The following PCSK2 variants were observed in gnomAD, a reference collection of about 807,000 sequenced individuals.
PCSK2 encodes the protein neuroendocrine convertase 2.
Under a neutral mutation model 69.7 loss-of-function variants are expected in PCSK2, and 14 were observed. The ratio of observed to expected loss-of-function variants is 0.20; its 90% confidence interval spans 0.13 to 0.31. PCSK2 has a LOEUF of 0.31. Ranked by LOEUF, PCSK2 falls within the 10% of genes least tolerant of loss-of-function variation. The pLI is 1.00. For synonymous variants in PCSK2, 307 were observed against 320.7 expected (o/e 0.96, Z 0.46); for missense variants, 544 against 842.5 (o/e 0.65, Z 4.39).
chr20:17,395,316 C>T (rs148369685), intron 5 of PCSK2, among the ~76,000 whole-genome samples: 297 of 152,302 alleles, frequency 2.0e-3, no homozygotes, highest in African/African-American at 6.8e-3. Flanking sequence ...CCTTTCATGA[C>T]GGTAGTCCTG....
intron 9 of PCSK2, among the ~76,000 whole-genome samples, chr20:17,455,118 G>T (rs762465795): frequency 6.6e-6 from 1 of 152,066 alleles, no homozygotes; most frequent in Non-Finnish European, 1.5e-5. Flanking sequence ...ACGCCTGAAA[G>T]CTCCACTCCC....
chr20:17,456,308 C>G, intron 9 of PCSK2, 40 bp from the exon 10 acceptor site: 2 of 1,083,940 alleles, frequency 1.8e-6, no homozygotes, highest in South Asian at 1.3e-5. Context: ...TTCAAAATAG[C>G]GTGATTTATC....
At chr20:17,328,528 G>A (rs1990126332) in intron 2 of PCSK2, among the ~76,000 whole-genome samples, 5 of 151,514 alleles carry the variant, frequency 3.3e-5, no homozygotes, top group African/African-American at 2.4e-5. Flanking sequence ...ATATTTATTA[G>A]CAGTGGGGAT....
intron 1 of PCSK2, among the ~76,000 whole-genome samples, chr20:17,242,194 G>A (rs1367024277): frequency 6.6e-6 from 1 of 152,168 alleles, no homozygotes; most frequent in Non-Finnish European, 1.5e-5. Flanking sequence ...GAAGAGAATT[G>A]AGCATTATCC....
chr20:17,255,660 A>C (rs1987150694), intron 1 of PCSK2, among the ~76,000 whole-genome samples: 1 of 152,114 alleles, frequency 6.6e-6, no homozygotes, highest in Admixed American at 6.6e-5. Context: ...AATTTTTTAA[A>C]ACGTATTTAT....
chr20:17,327,014 C>T (rs1229550022), intron 2 of PCSK2, among the ~76,000 whole-genome samples: 1 of 152,238 alleles, frequency 6.6e-6, no homozygotes, highest in Non-Finnish European at 1.5e-5. Flanking sequence ...CATCCTCCCC[C>T]TTCTTCTGTC....
intron 2 of PCSK2, among the ~76,000 whole-genome samples, chr20:17,312,723 CT>C (rs1989556354): frequency 6.6e-6 from 1 of 152,068 alleles, no homozygotes; most frequent in Non-Finnish European, 1.5e-5. Flanking sequence ...AAGAGAGGTG[CT>C]GTAGTGGTGG....
chr20:17,279,463 T>C (rs1414445713), intron 2 of PCSK2, among the ~76,000 whole-genome samples: 1 of 152,228 alleles, frequency 6.6e-6, no homozygotes, highest in Non-Finnish European at 1.5e-5. Context: ...TTTTTTTCCA[T>C]GAAAGCTATG....
At chr20:17,421,818 A>AAAAAAAAAAAAAAAAAAAAAAG (rs2032135253) in intron 6 of PCSK2, among the ~76,000 whole-genome samples, 1 of 34,876 alleles carries the variant, frequency 2.9e-5, no homozygotes, top group Admixed American at 2.1e-4. Flanking sequence ...AAAAAAAAAA[A>AAAAAAAAAAAAAAAAAAAAAAG]AAAAAAAAAA....
chr20:17,247,336 A>T (rs1255833260), intron 1 of PCSK2, among the ~76,000 whole-genome samples: 1 of 152,242 alleles, frequency 6.6e-6, no homozygotes, highest in East Asian at 1.9e-4. Flanking sequence ...GGTAAAATTC[A>T]GGTCCCCAAA....
intron 5 of PCSK2, among the ~76,000 whole-genome samples, chr20:17,389,451 G>A (rs1022921357): frequency 7.2e-5 from 11 of 152,012 alleles, no homozygotes; most frequent in Non-Finnish European, 4.4e-5. Flanking sequence ...GAGAGAGAAA[G>A]GGAGATCTCT....
intron 2 of PCSK2, among the ~76,000 whole-genome samples, chr20:17,336,247 G>C (rs906902720): frequency 1.1e-4 from 16 of 152,174 alleles, no homozygotes; most frequent in African/African-American, 3.9e-4. Flanking sequence ...CCTCTGAGCT[G>C]GAAAGATGCA....
intron 5 of PCSK2, among the ~76,000 whole-genome samples, chr20:17,391,279 T>C (rs569175180): frequency 6.6e-6 from 1 of 152,334 alleles, no homozygotes; most frequent in East Asian, 1.9e-4. Flanking sequence ...TGCTGAAATA[T>C]TCAAAGATTC....
At chr20:17,314,198 TA>T (rs1989606011) in intron 2 of PCSK2, among the ~76,000 whole-genome samples, 1 of 152,208 alleles carries the variant, frequency 6.6e-6, no homozygotes, top group African/African-American at 2.4e-5. Context: ...TAAATGGACC[TA>T]CCATTTAGCA....
intron 2 of PCSK2, among the ~76,000 whole-genome samples, chr20:17,313,623 G>C (rs1190643148): frequency 6.6e-6 from 1 of 151,966 alleles, no homozygotes; most frequent in East Asian, 1.9e-4. Context: ...ATCCTGAAGA[G>C]GGCAGAGGCC....
In PCSK2 at chr20:17,260,315, C is replaced by A; in HGVS notation, c.253C>A (p.His85Asn). 1.9e-6 allele frequency: 3 copies of A among 1,613,402 alleles called. No individual in the cohort carries two copies. The highest frequency in any genetic ancestry group is 1.1e-5 in the South Asian group (1 of 91,070). Residue 85 changes from histidine to asparagine, a missense_variant, in exon 2 of 12, where the codon CAC (histidine) becomes AAC (asparagine). By Grantham distance (68) the His-to-Asn change is moderately conservative. This residue lies in a region of PCSK2 where 157 missense variants were observed against 155.0 expected (regional missense o/e 1.01). Coordinates refer to ENST00000262545, the MANE Select transcript of PCSK2 (RefSeq NM_002594.5). ...AKAKRRRSLH[H>N]KQQLERDPRV... Reference sequence around the variant, plus strand: ...GGCCAAGAGAAGACGCAGCCTACACCACAAGCAGCAGCTGGAGAGAGACCC... The same window carrying A: ...GGCCAAGAGAAGACGCAGCCTACACAACAAGCAGCAGCTGGAGAGAGACCC...
chr20:17,356,431 T>C (rs188817177), intron 2 of PCSK2, among the ~76,000 whole-genome samples: 4 of 152,282 alleles, frequency 2.6e-5, no homozygotes, highest in African/African-American at 9.6e-5. Context: ...GTAAATGAGC[T>C]TCAGGCCTTC....
At chr20:17,443,217 G>C (rs1205835749) in intron 8 of PCSK2, among the ~76,000 whole-genome samples, 1 of 152,192 alleles carries the variant, frequency 6.6e-6, no homozygotes, top group Non-Finnish European at 1.5e-5. Context: ...AAATAGTGAA[G>C]ACGCTTTATT....
At chr20:17,377,980 T>C (rs929460791) in intron 5 of PCSK2, among the ~76,000 whole-genome samples, 1 of 152,244 alleles carries the variant, frequency 6.6e-6, no homozygotes, top group African/African-American at 2.4e-5. Flanking sequence ...ATTTGTTTCA[T>C]TGAACTTAGT....
Sources: gnomAD v4.1 joint callset for allele counts (sites outside exome capture counted in the v4.1 genomes callset) on GRCh38, gnomAD v4.1.1 for gene constraint, gnomAD v4.1.1 regional missense constraint, MANE v1.5 for transcripts, NCBI Gene and HGNC (gene_info 2026-07-23, HGNC 2026-07-21) for gene names.